LRRK1: variants seen among roughly 807,000 people sequenced by gnomAD.
LRRK1 encodes leucine rich repeat kinase 1.
In LRRK1, 113 loss-of-function variants were observed where a neutral mutation model predicts 209.1. The observed-to-expected ratio is 0.54, with a 90% confidence interval of 0.46 to 0.63. The LOEUF (loss-of-function observed/expected upper bound fraction) is 0.63, where lower values mean the gene tolerates loss of function less well. Among genes scored for constraint, LRRK1 ranks in the 30% least tolerant of loss-of-function variants. LRRK1 has a pLI of 0.00. For missense variants in LRRK1, 2,284 were observed against 2,632.2 expected (o/e 0.87, Z 2.89); for synonymous variants, 1,144 against 1,099.7 (o/e 1.04, Z -0.80).
At chr15:100,934,102 T>C (rs1296539909) in intron 2 of LRRK1, among the ~76,000 whole-genome samples, 1 of 152,198 alleles carries the variant, frequency 6.6e-6, no homozygotes, top group East Asian at 1.9e-4. Context: ...AAATCATGTA[T>C]TGAAACCAAT....
intron 4 of LRRK1, among the ~76,000 whole-genome samples, chr15:100,985,691 A>G (rs982856040): frequency 6.6e-6 from 1 of 152,226 alleles, no homozygotes; most frequent in Non-Finnish European, 1.5e-5. Flanking sequence ...GAACCTCGTC[A>G]TGGTTTTCAA....
At chr15:101,062,753 T>C (rs2036262096) in intron 31 of LRRK1, 63 bp downstream of exon 31, 2 of 1,207,892 alleles carry the variant, frequency 1.7e-6, no homozygotes, top group Non-Finnish European at 2.5e-6. Context: ...AGGAGGCGTC[T>C]CCTAGCTATG....
chr15:100,996,389 T>TG (rs1310148911), intron 6 of LRRK1, among the ~76,000 whole-genome samples: 5 of 152,234 alleles, frequency 3.3e-5, no homozygotes, highest in Admixed American at 6.5e-5. Context: ...TGACTCCTCT[T>TG]GGCCTGGCCT....
chr15:100,994,542 T>C (rs868778382), intron 6 of LRRK1, among the ~76,000 whole-genome samples: 1 of 152,210 alleles, frequency 6.6e-6, no homozygotes, highest in Non-Finnish European at 1.5e-5. Context: ...CAACTCTTCT[T>C]ACACATGCCA....
At chr15:101,058,970 A>G (rs902203755) in intron 29 of LRRK1, among the ~76,000 whole-genome samples, 9 of 152,154 alleles carry the variant, frequency 5.9e-5, no homozygotes, top group Non-Finnish European at 8.8e-5. Flanking sequence ...AGCTTGAGAC[A>G]TAATAAGATA....
intron 10 of LRRK1, among the ~76,000 whole-genome samples, chr15:101,013,951 C>G (rs550069927): frequency 6.6e-6 from 1 of 152,200 alleles, no homozygotes. Flanking sequence ...CCCCACCAGC[C>G]GTGAGCCGTT....
chr15:101,014,570 C>T, intron 11 of LRRK1, 142 bp downstream of exon 11: 2 of 666,368 alleles, frequency 3.0e-6, no homozygotes, highest in African/African-American at 1.8e-5. Flanking sequence ...ATCACTGCCT[C>T]ACAGCCCTGG....
chr15:101,021,726 G>C (rs925295209), intron 13 of LRRK1, 119 bp from the exon 14 acceptor site: 2 of 640,870 alleles, frequency 3.1e-6, no homozygotes, highest in Non-Finnish European at 5.5e-6. Context: ...GGCTCAAAGT[G>C]TGGGGTCTGG....
chr15:101,032,100 C>G (rs140749780), intron 20 of LRRK1, among the ~76,000 whole-genome samples: 8 of 152,340 alleles, frequency 5.3e-5, no homozygotes, highest in South Asian at 2.1e-4. Context: ...TGAGCTTGTA[C>G]TTGACTGTGG....
At chr15:100,925,477 TC>T (rs2042093674) in intron 2 of LRRK1, among the ~76,000 whole-genome samples, 1 of 152,250 alleles carries the variant, frequency 6.6e-6, no homozygotes. Context: ...AGTTGTTTAC[TC>T]CTACTGAGAG....
chr15:100,941,488 G>GCC (rs2042436150), intron 2 of LRRK1, among the ~76,000 whole-genome samples: 1 of 111,866 alleles, frequency 8.9e-6, no homozygotes, highest in Non-Finnish European at 2.0e-5. Context: ...GTGTGTGTGT[G>GCC]TGTGTGTGTG....
At chr15:101,063,609 TTTAC>T (rs1330358856) in intron 31 of LRRK1, among the ~76,000 whole-genome samples, 1 of 152,174 alleles carries the variant, frequency 6.6e-6, no homozygotes, top group Non-Finnish European at 1.5e-5. Flanking sequence ...ACAAGAAGCC[TTTAC>T]TGGTGTTGCT....
intron 2 of LRRK1, among the ~76,000 whole-genome samples, chr15:100,962,815 ATATATATATTT>A (rs1390115596): frequency 7.3e-5 from 2 of 27,240 alleles, no homozygotes; most frequent in African/African-American, 2.5e-4. Context: ...ATATATATAT[ATATATATATTT>A]TTTTTTTTTT....
chr15:101,028,345 A>G (rs2034136051), intron 19 of LRRK1, among the ~76,000 whole-genome samples: 1 of 152,230 alleles, frequency 6.6e-6, no homozygotes, highest in Non-Finnish European at 1.5e-5. Context: ...ACTATTGCTC[A>G]TTCATGAACA....
At chr15:101,047,728 G>A (rs925002152) in intron 21 of LRRK1, among the ~76,000 whole-genome samples, 11 of 152,220 alleles carry the variant, frequency 7.2e-5, no homozygotes, top group Admixed American at 5.2e-4. Context: ...CTGGTAGTCA[G>A]CGCACAGGAC....
chr15:101,034,111 TTGAG>T (rs775868850), intron 20 of LRRK1, among the ~76,000 whole-genome samples: 42 of 152,178 alleles, frequency 2.8e-4, no homozygotes, highest in Non-Finnish European at 5.0e-4. Flanking sequence ...TTGAGATTAT[TTGAG>T]TTTTATTGAG....
At chr15:100,962,202 A>T (rs2030026814) in intron 2 of LRRK1, among the ~76,000 whole-genome samples, 1 of 152,170 alleles carries the variant, frequency 6.6e-6, no homozygotes, top group Admixed American at 6.5e-5. Flanking sequence ...TACTGCAAAA[A>T]ATATATTGAA....
intron 20 of LRRK1, among the ~76,000 whole-genome samples, chr15:101,037,069 C>G (rs1304740137): frequency 6.6e-6 from 1 of 152,120 alleles, no homozygotes; most frequent in Non-Finnish European, 1.5e-5. Flanking sequence ...CCAGACAGGC[C>G]TATTCTTGGG....
Position 101,077,223 on chromosome 15 carries a change from C to T in LRRK1, c.*8375C>T, listed in dbSNP as rs1475642962. The T allele has an allele frequency of 6.6e-6, 1 of 152,240 alleles. No individual in the cohort carries two copies. Among genetic ancestry groups the T allele is most frequent in the Non-Finnish European group, 1.5e-5 (1 of 68,044 alleles). The allele number at this position is 152,240 out of a possible 1,614,324, so 9.4% of individuals were successfully genotyped here. On this transcript the variant is annotated 3_prime_UTR_variant, in exon 34 of 34. Coordinates refer to ENST00000388948, the MANE Select transcript of LRRK1 (RefSeq NM_024652.6). ...ATAGACGCTCCTTTTTATTAGGCCC[C>T]AGTCTCATTCCAGACACCAGACCAA...
Sources: allele counts gnomAD v4.1 joint callset (sites outside exome capture counted in the v4.1 genomes callset), GRCh38; gene constraint gnomAD v4.1.1; transcripts MANE v1.5; gene names NCBI Gene and HGNC (gene_info 2026-07-23, HGNC 2026-07-21).